Variants in REEP1 observed in about 807,000 individuals in gnomAD.
REEP1 encodes receptor accessory protein 1.
Under a neutral mutation model 40.3 loss-of-function variants are expected in REEP1, and 22 were observed. The observed-to-expected ratio is 0.55, with a 90% CI of 0.39 to 0.78. REEP1 has a LOEUF of 0.78. Ranked by LOEUF, REEP1 falls within the 30% of genes least tolerant of loss-of-function variation. The pLI is 0.00. For missense variants in REEP1, 280 were observed against 361.1 expected (o/e 0.78, Z 1.82); for synonymous variants, 116 against 139.2 (o/e 0.83, Z 1.17).
At chr2:86,234,181 A>T (rs1001168588) in intron 5 of REEP1, among the ~76,000 whole-genome samples, 2 of 151,906 alleles carry the variant, frequency 1.3e-5, no homozygotes, top group African/African-American at 4.8e-5. Context: ...AGTTCATTAG[A>T]GGGGAGGGGG....
intron 1 of REEP1, among the ~76,000 whole-genome samples, chr2:86,312,782 T>C (rs1359019244): frequency 6.6e-6 from 1 of 152,236 alleles, no homozygotes; most frequent in Non-Finnish European, 1.5e-5. Context: ...CAATGCAACA[T>C]CTGACATAAA....
chr2:86,304,412 T>A (rs1041752338), intron 1 of REEP1, among the ~76,000 whole-genome samples: 1 of 152,194 alleles, frequency 6.6e-6, no homozygotes, highest in African/African-American at 2.4e-5. Flanking sequence ...TGTTGTTTTA[T>A]TTCCAATCGC....
At chr2:86,274,377 C>A (rs1677625947) in intron 2 of REEP1, among the ~76,000 whole-genome samples, 1 of 152,172 alleles carries the variant, frequency 6.6e-6, no homozygotes, top group Non-Finnish European at 1.5e-5. Flanking sequence ...ATGCTGCAGC[C>A]ATGGCAGAGA....
intron 7 of REEP1, among the ~76,000 whole-genome samples, chr2:86,225,098 C>T (rs1038182729): frequency 6.6e-6 from 1 of 152,214 alleles, no homozygotes; most frequent in Non-Finnish European, 1.5e-5. Context: ...AGGCCAGCGT[C>T]TAGTGCCCGG....
intron 1 of REEP1, among the ~76,000 whole-genome samples, chr2:86,336,512 A>T (rs1681041636): frequency 6.6e-6 from 1 of 152,084 alleles, no homozygotes; most frequent in Non-Finnish European, 1.5e-5. Flanking sequence ...CCCCACACCC[A>T]TTTCAGCCCC....
At chr2:86,244,096 T>A (rs1056764939) in intron 5 of REEP1, among the ~76,000 whole-genome samples, 12 of 152,178 alleles carry the variant, frequency 7.9e-5, no homozygotes, top group Admixed American at 7.8e-4. Flanking sequence ...TCTGACTAAT[T>A]GTTAACAGGT....
At chr2:86,222,626 G>T (rs1002298214) in intron 7 of REEP1, among the ~76,000 whole-genome samples, 1 of 152,182 alleles carries the variant, frequency 6.6e-6, no homozygotes, top group Non-Finnish European at 1.5e-5. Flanking sequence ...GAAGCCAGGT[G>T]TCTCAACAGT....
chr2:86,331,981 C>G (rs1263236660), intron 1 of REEP1, among the ~76,000 whole-genome samples: 1 of 152,094 alleles, frequency 6.6e-6, no homozygotes, highest in African/African-American at 2.4e-5. Context: ...AGGCCTATAC[C>G]AAATTACCTT....
chr2:86,280,872 A>T (rs2104389463), intron 2 of REEP1, among the ~76,000 whole-genome samples: 1 of 152,292 alleles, frequency 6.6e-6, no homozygotes, highest in South Asian at 2.1e-4. Context: ...CTGAGAAAAA[A>T]AATACTGACT....
intron 3 of REEP1, among the ~76,000 whole-genome samples, chr2:86,261,657 T>G (rs1449115969): frequency 6.6e-6 from 1 of 152,210 alleles, no homozygotes; most frequent in East Asian, 1.9e-4. Context: ...CCCCATGTGA[T>G]AGTCTGAAAT....
intron 3 of REEP1, among the ~76,000 whole-genome samples, chr2:86,262,416 G>A (rs993976605): frequency 1.9e-4 from 29 of 152,260 alleles, no homozygotes; most frequent in Admixed American, 1.9e-3. Flanking sequence ...TGTGCACAGT[G>A]CAGGGTGCGA....
At chr2:86,274,941 T>C (rs972270653) in intron 2 of REEP1, among the ~76,000 whole-genome samples, 3 of 152,170 alleles carry the variant, frequency 2.0e-5, no homozygotes, top group Non-Finnish European at 2.9e-5. Context: ...TGGTCCATTC[T>C]ACCCCACTGC....
chr2:86,321,908 C>A (rs1307462363), intron 1 of REEP1, among the ~76,000 whole-genome samples: 2 of 152,112 alleles, frequency 1.3e-5, no homozygotes, highest in African/African-American at 4.8e-5. Flanking sequence ...AGTCATCATG[C>A]ACTGGGAATC....
In REEP1 at chr2:86,245,452, G is replaced by A. The variant is rs904983970; in HGVS notation, c.417+6505C>T. Among the ~76,000 whole-genome samples, 11 of 152,322 alleles carry A rather than the reference G, an allele frequency of 7.2e-5. No individual in the cohort carries two copies. In the East Asian group the frequency reaches 9.6e-4, roughly 13 times the overall value. On this transcript the variant is annotated intron_variant, in intron 5 of 8. Coordinates refer to ENST00000538924, the MANE Select transcript of REEP1 (RefSeq NM_001371279.1). The stretch of plus-strand genomic sequence containing the variant: ...AGCCCGCTCCCACTAGCTACTCTCC[G>A]ATAAGTTAAAGATATGCTGTTTGAG...
intron 3 of REEP1, among the ~76,000 whole-genome samples, chr2:86,260,806 C>G (rs1055242556): frequency 4.6e-5 from 7 of 152,210 alleles, no homozygotes; most frequent in Admixed American, 1.3e-4. Context: ...CACCTTGATT[C>G]TGGTCTTGTG....
intron 3 of REEP1, among the ~76,000 whole-genome samples, chr2:86,257,073 C>A (rs750186108): frequency 2.6e-5 from 4 of 152,110 alleles, no homozygotes; most frequent in Non-Finnish European, 5.9e-5. Flanking sequence ...ACTTTCATGG[C>A]AAGATTGTTT....
intron 2 of REEP1, among the ~76,000 whole-genome samples, chr2:86,273,539 G>A (rs1323275689): frequency 2.6e-5 from 4 of 151,936 alleles, no homozygotes; most frequent in African/African-American, 9.7e-5. Flanking sequence ...ACCTGCCTCA[G>A]TCTCCCAAAG....
At chr2:86,285,559 T>C (rs1328204503) in intron 1 of REEP1, among the ~76,000 whole-genome samples, 1 of 152,164 alleles carries the variant, frequency 6.6e-6, no homozygotes, top group Non-Finnish European at 1.5e-5. Context: ...CACCGAGGCT[T>C]AGCATCATTA....
chr2:86,233,438 A>T (rs1007502), intron 5 of REEP1, among the ~76,000 whole-genome samples: 46,183 of 152,052 alleles, frequency 0.3, 8,494 homozygotes, highest in East Asian at 0.62. Flanking sequence ...AAAATGATTT[A>T]AAAAAACCCT....
Sources: gnomAD v4.1 joint callset for allele counts (sites outside exome capture counted in the v4.1 genomes callset) on GRCh38, gnomAD v4.1.1 for gene constraint, MANE v1.5 for transcripts, NCBI Gene and HGNC (gene_info 2026-07-23, HGNC 2026-07-21) for gene names.